HYCC1: variants seen among roughly 807,000 people sequenced by gnomAD.
HYCC1 encodes hyccin.
the HYCC1 span, among the ~76,000 whole-genome samples, chr7:22,904,608 C>T: frequency 6.6e-6 from 1 of 151,396 alleles, no homozygotes; most frequent in African/African-American, 2.4e-5. Context: ...TGTGTTAGAC[C>T]ATTCTTGCAT....
chr7:22,902,719 GA>G, the HYCC1 span, among the ~76,000 whole-genome samples: 1 of 151,962 alleles, frequency 6.6e-6, no homozygotes, highest in Non-Finnish European at 1.5e-5. Context: ...TCTATATGGG[GA>G]AAAAATGAAC....
chr7:22,926,206 C>A, the HYCC1 span, among the ~76,000 whole-genome samples: 1 of 151,982 alleles, frequency 6.6e-6, no homozygotes, highest in Non-Finnish European at 1.5e-5. Context: ...AAGGAACAAC[C>A]GGTACCAGCC....
At chr7:22,928,079 A>T in the HYCC1 span, among the ~76,000 whole-genome samples, 1 of 152,258 alleles carries the variant, frequency 6.6e-6, no homozygotes, top group African/African-American at 2.4e-5. Flanking sequence ...AACCAAAGAC[A>T]AAAACCACAT....
chr7:22,942,783 T>A, the HYCC1 span: 1 of 152,188 alleles, frequency 6.6e-6, no homozygotes, highest in Non-Finnish European at 1.5e-5. Flanking sequence ...ATTTGAAAGT[T>A]CAGTGGGGAG....
At chr7:22,929,726 C>A in the HYCC1 span, among the ~76,000 whole-genome samples, 1 of 152,176 alleles carries the variant, frequency 6.6e-6, no homozygotes, top group Admixed American at 6.5e-5. Flanking sequence ...GAAATAGGAA[C>A]ACTTTTACAC....
At chr7:22,945,379 G>A in the HYCC1 span, 2 of 583,318 alleles carry the variant, frequency 3.4e-6, no homozygotes, top group South Asian at 4.3e-5. Flanking sequence ...CAAACCAAGG[G>A]GAAAAAATCT....
chr7:22,924,504 G>A, the HYCC1 span, among the ~76,000 whole-genome samples: 9 of 152,332 alleles, frequency 5.9e-5, no homozygotes, highest in East Asian at 9.6e-4. Flanking sequence ...CTTTTCCAAC[G>A]GGCTTAACAA....
chr7:22,954,902 C>T, the HYCC1 span, among the ~76,000 whole-genome samples: 6 of 151,370 alleles, frequency 4.0e-5, no homozygotes, highest in Non-Finnish European at 8.9e-5. Flanking sequence ...ATAAACATTC[C>T]TTTTATTATT....
At chr7:22,925,780 T>G in the HYCC1 span, among the ~76,000 whole-genome samples, 1 of 151,588 alleles carries the variant, frequency 6.6e-6, no homozygotes, top group Non-Finnish European at 1.5e-5. Context: ...CCAGGAGAAC[T>G]TCCCCAATCT....
the HYCC1 span, chr7:22,976,323 G>C: frequency 5.2e-6 from 8 of 1,549,300 alleles, no homozygotes; most frequent in African/African-American, 9.5e-5. Context: ...CAAACAAAAA[G>C]AATATTAACA....
At chr7:22,927,561 AC>A in the HYCC1 span, among the ~76,000 whole-genome samples, 1 of 152,262 alleles carries the variant, frequency 6.6e-6, no homozygotes, top group African/African-American at 2.4e-5. Flanking sequence ...AAACACCTCT[AC>A]GCAAATAAAC....
the HYCC1 span, among the ~76,000 whole-genome samples, chr7:22,962,779 G>T: frequency 0.39 from 27,477 of 70,176 alleles, 3,070 homozygotes; most frequent in Middle Eastern, 0.46. Flanking sequence ...CCCCACCACC[G>T]CCCCAGCCAC....
chr7:22,925,249 A>G, the HYCC1 span, among the ~76,000 whole-genome samples: 1 of 152,156 alleles, frequency 6.6e-6, no homozygotes, highest in African/African-American at 2.4e-5. Flanking sequence ...GAGCAGAAAA[A>G]CCGGAAACTC....
chr7:23,005,027 G>C, the HYCC1 span, among the ~76,000 whole-genome samples: 2 of 152,052 alleles, frequency 1.3e-5, no homozygotes, highest in African/African-American at 2.4e-5. Flanking sequence ...GGATGGTCTC[G>C]ATCTCCTGAC....
the HYCC1 span, chr7:22,942,004 T>C: frequency 6.6e-6 from 1 of 152,198 alleles, no homozygotes; most frequent in Admixed American, 6.5e-5. Context: ...CTTGATGTGC[T>C]TCCCTTTAAT....
chr7:22,899,011 G>A, the HYCC1 span, among the ~76,000 whole-genome samples: 3 of 152,188 alleles, frequency 2.0e-5, no homozygotes, highest in African/African-American at 7.2e-5. Flanking sequence ...CTTTGTCAAG[G>A]CCATTTTTAT....
chr7:22,968,143 G>A, the HYCC1 span, among the ~76,000 whole-genome samples: 1 of 152,142 alleles, frequency 6.6e-6, no homozygotes, highest in Non-Finnish European at 1.5e-5. Context: ...AGGAATGCCA[G>A]CCGCTCCACT....
the HYCC1 span, among the ~76,000 whole-genome samples, chr7:22,993,492 T>G: frequency 6.6e-6 from 1 of 152,144 alleles, no homozygotes; most frequent in Non-Finnish European, 1.5e-5. Context: ...TATCTGCAAT[T>G]CATATACATG....
the HYCC1 span, among the ~76,000 whole-genome samples, chr7:22,957,176 C>A: frequency 6.6e-6 from 1 of 151,518 alleles, no homozygotes; most frequent in African/African-American, 2.4e-5. Flanking sequence ...GAATAAATAT[C>A]CATTAATTGC....
Sources: allele counts gnomAD v4.1 joint callset (sites outside exome capture counted in the v4.1 genomes callset), GRCh38; gene constraint gnomAD v4.1.1; transcripts MANE v1.5; gene names NCBI Gene and HGNC (gene_info 2026-07-23, HGNC 2026-07-21).